The following EPB41L1 variants were observed in gnomAD, a reference collection of about 807,000 sequenced individuals.
The protein encoded by EPB41L1 is erythrocyte membrane protein band 4.1 like 1.
A neutral mutation model predicts 97.8 loss-of-function variants in EPB41L1; 29 were observed. That is an observed-to-expected ratio of 0.30 (90% CI 0.22 to 0.40). The LOEUF (loss-of-function observed/expected upper bound fraction) is 0.40. EPB41L1 is among the 10% of genes least tolerant of loss of function. The pLI is 1.00. For synonymous variants in EPB41L1, 383 were observed against 459.2 expected (o/e 0.83, Z 2.12); for missense variants, 812 against 1,162.3 (o/e 0.70, Z 4.38).
intron 8 of EPB41L1, among the ~76,000 whole-genome samples, chr20:36,188,108 G>A (rs2061762476): frequency 6.6e-6 from 1 of 152,206 alleles, no homozygotes; most frequent in South Asian, 2.1e-4. Context: ...GAACGATTGA[G>A]TGATTGACAG....
upstream of EPB41L1, among the ~76,000 whole-genome samples, chr20:36,154,165 C>T (rs1284028272): frequency 6.6e-6 from 1 of 152,112 alleles, no homozygotes; most frequent in African/African-American, 2.4e-5. The surrounding 1 kb of genome is among the most constrained non-coding windows in gnomAD (Gnocchi z 5.5). Context: ...TACCTCCTCC[C>T]GGTGGGGGAG....
upstream of EPB41L1, chr20:36,152,321 GTC>G (rs1188051134): frequency 1.3e-5 from 2 of 152,448 alleles, no homozygotes; most frequent in Non-Finnish European, 2.9e-5. Context: ...GCAGAACGAT[GTC>G]TGGGAACATC....
Position 36,209,364 on chromosome 20 carries a change from C to A in EPB41L1, c.1669-124C>A. On this transcript the variant is annotated intron_variant, in intron 14 of 21. Coordinates refer to ENST00000338074, the MANE Select transcript of EPB41L1 (RefSeq NM_012156.2). This position sits in a 1 kb window ranked among gnomAD's most constrained non-coding sequence, Gnocchi z 4.2. ...CCTGGGGTGTTTTTCATTTCCTGGC[C>A]TGCTCTTCCATTCAGGATGTCGACA... 2.7e-6 allele frequency: 3 copies of A among 1,129,798 alleles called. No homozygotes were observed. The highest frequency in any genetic ancestry group is 3.7e-6 in the Non-Finnish European group (3 of 804,722). 70.0% of individuals were successfully genotyped at this position (1,129,798 alleles called of 1,614,324 possible). A position where few individuals can be genotyped will look rare whatever the true frequency, so the allele number is the denominator to read the frequency against.
At position 36,136,338 on chromosome 20, in the gene EPB41L1, G is replaced by GTT. The variant is rs60257818; in HGVS notation, c.-10+23879_-10+23880dup. Among the ~76,000 whole-genome samples the GTT allele has an allele frequency of 1.7e-3, 196 of 113,904 alleles. 2 individuals carry two copies. The highest frequency in any genetic ancestry group is 0.012 in the East Asian group (45 of 3,718). 74.7% of individuals were successfully genotyped at this position (113,904 alleles called of 152,430 possible). ...GGCACATGCAACTGTGCCCGGCTAA[G>GTT]TTTTTTTTTTTTTTTTTTTTTTGGA... On this transcript the variant is annotated intron_variant, in intron 2 of 19. Transcript: ENST00000202028.
At chr20:36,173,081 C>T (rs747090097) in intron 1 of EPB41L1, among the ~76,000 whole-genome samples, 3 of 152,326 alleles carry the variant, frequency 2.0e-5, no homozygotes, top group South Asian at 2.1e-4. Flanking sequence ...CATTTCTCTA[C>T]GTTGCTCATG....
At chr20:36,187,622 G>C (rs1473294407) in intron 7 of EPB41L1, 54 bp from the exon 8 acceptor site, 7 of 1,472,938 alleles carry the variant, frequency 4.8e-6, no homozygotes, top group Admixed American at 1.7e-5. Context: ...TTGGACAGCA[G>C]GACTAAACCT....
At chr20:36,211,093 G>GA (rs1414456376) in intron 15 of EPB41L1, among the ~76,000 whole-genome samples, 6 of 148,668 alleles carry the variant, frequency 4.0e-5, no homozygotes, top group Admixed American at 1.3e-4. Context: ...AACAAAACAA[G>GA]AAAAAAAAAA....
upstream of EPB41L1, among the ~76,000 whole-genome samples, chr20:36,154,322 C>G (rs1285206438): frequency 6.6e-6 from 1 of 152,166 alleles, no homozygotes; most frequent in East Asian, 1.9e-4. The surrounding 1 kb of genome is among the most constrained non-coding windows in gnomAD (Gnocchi z 5.5). Context: ...CTCCCCCTCC[C>G]TTTCTCGCTG....
chr20:36,143,559 T>C (rs556452362), intron 2 of EPB41L1, among the ~76,000 whole-genome samples: 1 of 152,304 alleles, frequency 6.6e-6, no homozygotes, highest in South Asian at 2.1e-4. Context: ...TACACACATA[T>C]ACAGCTAATT....
Position 36,195,132 on chromosome 20 carries a change from C to CA in EPB41L1, c.1450-196dup, listed in dbSNP as rs1024767444. Among the ~76,000 whole-genome samples the CA allele has an allele frequency of 6.6e-6, 1 of 152,170 alleles. No homozygotes were observed. The highest frequency in any genetic ancestry group is 2.4e-5 in the African/African-American group (1 of 41,452). ...AGTTCCCTTCTCTGCCTTCCTGGGA[C>CA]AGCACCCTGCTTCACACCTGTACCT... On this transcript the variant is annotated intron_variant, in intron 12 of 21. Coordinates refer to ENST00000338074, the MANE Select transcript of EPB41L1 (RefSeq NM_012156.2). This position sits in a 1 kb window ranked among gnomAD's most constrained non-coding sequence, Gnocchi z 4.6.
upstream of EPB41L1, chr20:36,153,150 A>C (rs1206843165): frequency 4.4e-6 from 2 of 455,132 alleles, no homozygotes; most frequent in Admixed American, 2.4e-5. Flanking sequence ...AAAGGGACGC[A>C]ATTGTATCTT....
intron 14 of EPB41L1, among the ~76,000 whole-genome samples, chr20:36,199,834 G>A (rs546016839): frequency 3.1e-4 from 47 of 152,284 alleles, no homozygotes; most frequent in African/African-American, 1.1e-3. Context: ...TGAGTCTCCA[G>A]AAGAGAAGGG....
intron 1 of EPB41L1, among the ~76,000 whole-genome samples, chr20:36,104,861 G>T (rs549699566): frequency 1.3e-5 from 2 of 152,272 alleles, no homozygotes; most frequent in African/African-American, 4.8e-5. Flanking sequence ...GGCCTCGCGC[G>T]CTCTGGATGG....
chr20:36,110,236 C>T (rs1450473332), intron 1 of EPB41L1, among the ~76,000 whole-genome samples: 2 of 152,124 alleles, frequency 1.3e-5, no homozygotes, highest in Non-Finnish European at 2.9e-5. Context: ...CCACCATGCC[C>T]GGCCTTGACA....
Position 36,218,508 on chromosome 20 carries a change from G to A in EPB41L1, c.2269-368G>A, listed in dbSNP as rs567272660. 2.0e-5 allele frequency among the ~76,000 whole-genome samples: 3 copies of A among 152,318 alleles called. No individual in the cohort carries two copies. The East Asian group carries it at 5.8e-4, about 29-fold the overall frequency. ...CAGATGAATCTGTGAGGCCCATAGAGAGGAAGTGGCTCTGCCCCAAGTCAC... is the reference window on the plus strand; with the variant it reads ...CAGATGAATCTGTGAGGCCCATAGAAAGGAAGTGGCTCTGCCCCAAGTCAC... On this transcript the variant is annotated intron_variant, in intron 17 of 21. Coordinates refer to ENST00000338074, the MANE Select transcript of EPB41L1 (RefSeq NM_012156.2).
chr20:36,133,478 G>A (rs1253305192), intron 2 of EPB41L1, among the ~76,000 whole-genome samples: 1 of 152,224 alleles, frequency 6.6e-6, no homozygotes, highest in Non-Finnish European at 1.5e-5. Context: ...GATTCCATGA[G>A]GAGAAATGGG....
chr20:36,173,938 C>T lies in EPB41L1; in HGVS notation c.161C>T (p.Thr54Met), dbSNP rs371405277. 3.5e-5 allele frequency: 56 copies of T among 1,613,354 alleles called. No individual in the cohort carries two copies. Among genetic ancestry groups the T allele is most frequent in the Admixed American group, 1.3e-4 (8 of 59,904 alleles). The part of the protein sequence containing the change: ...SNEKHPSQQD[T>M]RPAEQSLDME... Reference sequence around the variant, plus strand: ...GAGAAGCATCCATCCCAGCAGGACACGCGGCCTGCTGAACAGGTGTGTGCC... The same window carrying T: ...GAGAAGCATCCATCCCAGCAGGACATGCGGCCTGCTGAACAGGTGTGTGCC... The change falls in exon 2 of 22, where the codon ACG (threonine) becomes ATG (methionine). Residue 54 changes from threonine to methionine, a missense_variant. Physicochemically the swap from Thr to Met is moderately conservative, Grantham distance 81. This residue lies in a region of EPB41L1 where 84 missense variants were observed against 94.3 expected (regional missense o/e 0.89). Coordinates refer to ENST00000338074, the MANE Select transcript of EPB41L1 (RefSeq NM_012156.2).
At chr20:36,215,463 A>C (rs955736373) in intron 17 of EPB41L1, among the ~76,000 whole-genome samples, 2 of 152,122 alleles carry the variant, frequency 1.3e-5, no homozygotes, top group Non-Finnish European at 2.9e-5. Context: ...TTTCTTGCCA[A>C]CCTCCTGACA....
At chr20:36,214,251 A>G in intron 16 of EPB41L1, 106 bp from the exon 17 acceptor site, 1 of 821,840 alleles carries the variant, frequency 1.2e-6, no homozygotes, top group Non-Finnish European at 2.1e-6. Context: ...AGTGATGTTC[A>G]CTCACACAGC....
Sources: allele counts gnomAD v4.1 joint callset (sites outside exome capture counted in the v4.1 genomes callset), GRCh38; gene constraint gnomAD v4.1.1; regional missense constraint gnomAD v4.1.1; non-coding constraint Gnocchi (gnomAD v3.1); transcripts MANE v1.5; gene names NCBI Gene and HGNC (gene_info 2026-07-23, HGNC 2026-07-21).